The following NMBR variants were observed in gnomAD, a reference collection of about 807,000 sequenced individuals.
NMBR encodes neuromedin B receptor, also known as neuromedin-B receptor.
In NMBR, 16 loss-of-function variants were observed where a neutral mutation model predicts 20.5. The ratio of observed to expected loss-of-function variants is 0.78; its 90% confidence interval spans 0.53 to 1.19. The LOEUF (loss-of-function observed/expected upper bound fraction) is 1.19, where lower values mean the gene tolerates loss of function less well. Ranked by LOEUF, NMBR falls within the 50% of genes most tolerant of loss-of-function variation. The pLI is 0.00. For synonymous variants in NMBR, 212 were observed against 196.6 expected (o/e 1.08, Z -0.65); for missense variants, 582 against 499.1 (o/e 1.17, Z -1.58).
At chr6:142,084,534 C>T (rs991217276) in intron 2 of NMBR, among the ~76,000 whole-genome samples, 9 of 151,818 alleles carry the variant, frequency 5.9e-5, no homozygotes, top group Middle Eastern at 3.4e-3. Flanking sequence ...TTTATAAATG[C>T]GTTTTGGTTA....
chr6:142,085,769 T>C (rs1292198606), intron 2 of NMBR, among the ~76,000 whole-genome samples: 1 of 152,154 alleles, frequency 6.6e-6, no homozygotes. Context: ...GTGATCTCTA[T>C]AGGCAAAGAG....
chr6:142,117,311 T>C (rs912766794), intron 1 of NMBR, among the ~76,000 whole-genome samples: 1 of 151,942 alleles, frequency 6.6e-6, no homozygotes, highest in African/African-American at 2.4e-5. Flanking sequence ...ACCTCACATA[T>C]AGTTTTATAT....
intron 1 of NMBR, among the ~76,000 whole-genome samples, chr6:142,094,088 CA>C (rs1777393570): frequency 6.6e-6 from 1 of 152,008 alleles, no homozygotes. Context: ...AATTTTATCC[CA>C]TTCTGTAGGT....
chr6:142,088,077 G>A (rs1030170262), intron 2 of NMBR, among the ~76,000 whole-genome samples, 160 bp downstream of exon 2: 2 of 151,840 alleles, frequency 1.3e-5, no homozygotes, highest in Non-Finnish European at 2.9e-5. Context: ...TTTTAACTCT[G>A]TTTACTCTAC....
chr6:142,125,130 G>T (rs560816236), intron 1 of NMBR, among the ~76,000 whole-genome samples: 1 of 151,952 alleles, frequency 6.6e-6, no homozygotes, highest in East Asian at 1.9e-4. Flanking sequence ...TATTCAGATT[G>T]CCTTATCTCA....
At chr6:142,099,924 A>G (rs1357340589) in intron 1 of NMBR, among the ~76,000 whole-genome samples, 2 of 152,224 alleles carry the variant, frequency 1.3e-5, no homozygotes, top group South Asian at 2.1e-4. Context: ...TAGACATCTC[A>G]CCAAAGAAGA....
chr6:142,102,643 T>C (rs946312956), intron 1 of NMBR, among the ~76,000 whole-genome samples: 1 of 152,166 alleles, frequency 6.6e-6, no homozygotes, highest in African/African-American at 2.4e-5. Flanking sequence ...TAACCTGTGA[T>C]GTAGGTTAAG....
chr6:142,096,607 T>G (rs1301427196), intron 1 of NMBR, among the ~76,000 whole-genome samples: 1 of 152,224 alleles, frequency 6.6e-6, no homozygotes, highest in East Asian at 1.9e-4. Context: ...TGGTCAATTT[T>G]GGAATAGGTG....
chr6:142,144,487 C>A (rs532651051), intron 1 of NMBR, among the ~76,000 whole-genome samples: 2 of 152,236 alleles, frequency 1.3e-5, no homozygotes, highest in East Asian at 1.9e-4. Flanking sequence ...GCCCTCACCC[C>A]CTATTTTGTT....
intron 3 of NMBR, among the ~76,000 whole-genome samples, chr6:142,077,371 A>G (rs917528751): frequency 6.6e-6 from 1 of 152,210 alleles, no homozygotes; most frequent in Admixed American, 6.5e-5. Context: ...TTTAGAAACC[A>G]AAAGCAAATA....
intron 1 of NMBR, among the ~76,000 whole-genome samples, chr6:142,093,673 T>C (rs1178749035): frequency 6.6e-6 from 1 of 152,190 alleles, no homozygotes; most frequent in Non-Finnish European, 1.5e-5. Flanking sequence ...TACCCAGTAA[T>C]GGGATTGCTG....
Position 142,088,549 on chromosome 6 carries a change from G to A in NMBR, c.110C>T (p.Thr37Ile). The change falls in exon 2 of 4, where the codon ACC becomes ATC. Residue 37 changes from threonine to isoleucine, a missense_variant. By Grantham distance (89) the Thr-to-Ile change is moderately conservative. Transcript: ENST00000258042. Reference sequence around the variant, plus strand: ...CACACAGCGGATCACCAACTCCGTGGTGGTCCCGTCCGAGGCCGGCAGGAA... The same window carrying A: ...CACACAGCGGATCACCAACTCCGTGATGGTCCCGTCCGAGGCCGGCAGGAA... Reference protein sequence around the residue: ...RDFLPASDGTTTELVIRCVIP... With the variant: ...RDFLPASDGTITELVIRCVIP... The A allele has an allele frequency of 6.2e-7, 1 of 1,614,006 alleles. No homozygotes were observed. Among genetic ancestry groups the A allele is most frequent in the South Asian group, 1.1e-5 (1 of 91,070 alleles).
intron 1 of NMBR, among the ~76,000 whole-genome samples, chr6:142,124,558 CTCAAG>C (rs1777999715): frequency 6.6e-6 from 1 of 151,822 alleles, no homozygotes; most frequent in African/African-American, 2.4e-5. Context: ...AAAATGCACT[CTCAAG>C]TCTTCTGTAT....
At chr6:142,139,721 A>G (rs534570907) in intron 1 of NMBR, among the ~76,000 whole-genome samples, 1 of 152,354 alleles carries the variant, frequency 6.6e-6, no homozygotes, top group African/African-American at 2.4e-5. Flanking sequence ...ACAATCTTGT[A>G]AATTCACTAC....
intron 1 of NMBR, among the ~76,000 whole-genome samples, chr6:142,102,757 C>T (rs1229406591): frequency 1.3e-5 from 2 of 152,172 alleles, no homozygotes; most frequent in Non-Finnish European, 2.9e-5. Context: ...CCTGCACTGG[C>T]CCTTCATCTT....
In NMBR at chr6:142,105,881, T is replaced by C. The variant is rs756798334; in HGVS notation, c.-663-16560A>G. 3.2e-4 allele frequency among the ~76,000 whole-genome samples: 48 copies of C among 152,336 alleles called. 1 individual carries two copies. The highest frequency in any genetic ancestry group is 1.7e-4 in the African/African-American group (7 of 41,584). On this transcript the variant is annotated intron_variant, in intron 1 of 3. Coordinates refer to ENST00000258042, the MANE Select transcript of NMBR (RefSeq NM_002511.4). The stretch of plus-strand genomic sequence containing the variant: ...TTAGTGCTTATTAACACCTTTTCTA[T>C]AGCATTTAAAAGTAGCATGTCATTA...
chr6:142,082,796 A>G (rs1404981098), intron 2 of NMBR, among the ~76,000 whole-genome samples: 1 of 152,240 alleles, frequency 6.6e-6, no homozygotes, highest in Non-Finnish European at 1.5e-5. Context: ...GATATGTCAC[A>G]TCATGAGGAA....
At chr6:142,077,181 T>A (rs1776967628) in intron 3 of NMBR, among the ~76,000 whole-genome samples, 1 of 152,168 alleles carries the variant, frequency 6.6e-6, no homozygotes, top group African/African-American at 2.4e-5. Context: ...TACTTGGAGA[T>A]TCAAGTGCAC....
chr6:142,090,431 G>A (rs1004762784), intron 1 of NMBR, among the ~76,000 whole-genome samples: 10 of 151,402 alleles, frequency 6.6e-5, no homozygotes, highest in Admixed American at 6.6e-4. Context: ...GTAAACATTT[G>A]CATTGTAATC....
Sources: gnomAD v4.1 joint callset for allele counts (sites outside exome capture counted in the v4.1 genomes callset) on GRCh38, gnomAD v4.1.1 for gene constraint, MANE v1.5 for transcripts, NCBI Gene and HGNC (gene_info 2026-07-23, HGNC 2026-07-21) for gene names.